The following SH3KBP1 variants were observed in gnomAD, a reference collection of about 807,000 sequenced individuals.
The protein encoded by SH3KBP1 is SH3 domain-containing kinase-binding protein 1.
A neutral mutation model predicts 50.1 loss-of-function variants in SH3KBP1; 8 were observed. That is an observed-to-expected ratio of 0.16 (90% CI 0.09 to 0.29). The LOEUF (loss-of-function observed/expected upper bound fraction) is 0.29, where lower values mean the gene tolerates loss of function less well. Ranked by LOEUF, SH3KBP1 falls within the 10% of genes least tolerant of loss-of-function variation. The probability of loss-of-function intolerance (pLI) is 1.00; values close to 1 mark genes in which losing one functional copy is unlikely to be tolerated. For synonymous variants in SH3KBP1, 227 were observed against 218.6 expected (o/e 1.04, Z -0.34); for missense variants, 377 against 535.2 (o/e 0.70, Z 2.92).
In SH3KBP1 at chrX:19,764,986, CTTTT is replaced by C. The variant is rs34368819; in HGVS notation, c.163-18549_163-18546del. On this transcript the variant is annotated intron_variant, in intron 2 of 17. Transcript: ENST00000397821. The stretch of plus-strand genomic sequence containing the variant: ...CCATGCCCAGCTAATTTTTGCAGTT[CTTTT>C]TTTTTTTTTTTTTTTTTTTTTTTTA... 1.5e-3 allele frequency among the ~76,000 whole-genome samples: 65 copies of C among 44,545 alleles called. 1 individual carries two copies. The highest frequency in any genetic ancestry group is 6.0e-3 in the African/African-American group (63 of 10,495). 38.7% of individuals were successfully genotyped at this position (44,545 alleles called of 115,157 possible). A position where few individuals can be genotyped will look rare whatever the true frequency, so the allele number is the denominator to read the frequency against.
intron 4 of SH3KBP1, among the ~76,000 whole-genome samples, chrX:19,698,975 C>A (rs2063484704): frequency 8.9e-6 from 1 of 111,977 alleles, no homozygotes; most frequent in South Asian, 3.7e-4. Flanking sequence ...TGATTTCCCC[C>A]ACAGAAAAAG....
chrX:19,802,462 CAT>C (rs889893033), intron 2 of SH3KBP1, among the ~76,000 whole-genome samples: 1 of 111,477 alleles, frequency 9.0e-6, no homozygotes, highest in Non-Finnish European at 1.9e-5. Flanking sequence ...CCTCCATCCA[CAT>C]GTGACGGTGC....
intron 5 of SH3KBP1, among the ~76,000 whole-genome samples, chrX:19,689,356 GC>G (rs1441688134): frequency 3.6e-5 from 4 of 111,966 alleles, no homozygotes; most frequent in African/African-American, 1.3e-4. Flanking sequence ...GTTAACAACA[GC>G]AGTCCTCTCA....
At chrX:19,571,469 A>G (rs2066005468) in intron 12 of SH3KBP1, among the ~76,000 whole-genome samples, 1 of 112,283 alleles carries the variant, frequency 8.9e-6, no homozygotes, top group Non-Finnish European at 1.9e-5. Flanking sequence ...GATGGAGGAC[A>G]TTTATTTCAA....
At chrX:19,741,372 G>A (rs554216131) in intron 3 of SH3KBP1, among the ~76,000 whole-genome samples, 1 of 112,268 alleles carries the variant, frequency 8.9e-6, no homozygotes, top group East Asian at 2.8e-4. Context: ...ATCTCTGGAA[G>A]GGGCAGTAAA....
At chrX:19,730,429 T>C (rs5955839) in intron 3 of SH3KBP1, among the ~76,000 whole-genome samples, 30,413 of 111,043 alleles carry the variant, frequency 0.27, 4,598 homozygotes, top group African/African-American at 0.58. Flanking sequence ...GCAAACTATC[T>C]GGGAATTTTT....
intron 2 of SH3KBP1, among the ~76,000 whole-genome samples, chrX:19,760,136 C>T (rs1341024749): frequency 2.9e-5 from 3 of 104,542 alleles, no homozygotes; most frequent in Non-Finnish European, 5.9e-5. Context: ...ATCTGTAATC[C>T]CAGCACTTTG....
intron 2 of SH3KBP1, among the ~76,000 whole-genome samples, chrX:19,829,430 T>C (rs1022652020): frequency 1.0e-4 from 11 of 110,524 alleles, no homozygotes; most frequent in Non-Finnish European, 1.9e-4. Context: ...TTTTTTTTTT[T>C]TCTTTAATGA....
At chrX:19,824,481 A>C (rs7889157) in intron 2 of SH3KBP1, among the ~76,000 whole-genome samples, 34,829 of 110,092 alleles carry the variant, frequency 0.32, 7,496 homozygotes, top group African/African-American at 0.78. Context: ...CTGCCCCCAA[A>C]ACAAAATTCT....
At position 19,668,963 on chromosome X, in the gene SH3KBP1, TATATA is replaced by T. The variant is rs1432730737; in HGVS notation, c.726+14855_726+14859del. On this transcript the variant is annotated intron_variant, in intron 6 of 17. Coordinates refer to ENST00000397821, the MANE Select transcript of SH3KBP1 (RefSeq NM_031892.3). ...ATATATATATATATATATATATATA[TATATA>T]TATATATTTTTTGAGACAGGCTGTC... is the stretch of plus-strand genomic sequence containing the variant. 6.4e-3 allele frequency among the ~76,000 whole-genome samples: 347 copies of T among 53,824 alleles called. 9 individuals carry two copies. Among genetic ancestry groups the T allele is most frequent in the African/African-American group, 0.032 (336 of 10,359 alleles). The allele number at this position is 53,824 out of a possible 115,157, so 46.7% of individuals were successfully genotyped here.
chrX:19,551,874 AC>A (rs199922396), intron 13 of SH3KBP1, among the ~76,000 whole-genome samples: 1,540 of 109,738 alleles, frequency 0.014, 26 homozygotes, highest in African/African-American at 0.049. Context: ...TGACATGAAC[AC>A]CCCCCCAATT....
At chrX:19,873,076 C>T (rs997806235) in intron 1 of SH3KBP1, among the ~76,000 whole-genome samples, 1 of 108,553 alleles carries the variant, frequency 9.2e-6, no homozygotes, top group African/African-American at 3.4e-5. Context: ...ACACTGCCTA[C>T]AGTGTGATTT....
intron 12 of SH3KBP1, among the ~76,000 whole-genome samples, chrX:19,572,400 A>T (rs890374817): frequency 6.7e-5 from 6 of 89,395 alleles, no homozygotes; most frequent in African/African-American, 3.1e-4. Flanking sequence ...TACATATGTT[A>T]TATATAGTAC....
At chrX:19,551,676 C>T (rs2065246885) in intron 13 of SH3KBP1, among the ~76,000 whole-genome samples, 1 of 108,104 alleles carries the variant, frequency 9.3e-6, no homozygotes, top group African/African-American at 3.4e-5. Flanking sequence ...TCCCTACAGG[C>T]ACGCAACACC....
intron 9 of SH3KBP1, among the ~76,000 whole-genome samples, chrX:19,598,544 T>C (rs2066981483): frequency 8.9e-6 from 1 of 112,063 alleles, no homozygotes; most frequent in African/African-American, 3.2e-5. Context: ...ACATGCCTTC[T>C]TCACTAAGCT....
chrX:19,709,624 T>C (rs1425758835), intron 3 of SH3KBP1, among the ~76,000 whole-genome samples: 1 of 111,875 alleles, frequency 8.9e-6, no homozygotes, highest in African/African-American at 3.3e-5. Flanking sequence ...CCTGCAACAC[T>C]GTACCACGTC....
chrX:19,773,088 T>C (rs1455911023), intron 2 of SH3KBP1, among the ~76,000 whole-genome samples: 10 of 110,550 alleles, frequency 9.0e-5, no homozygotes, highest in African/African-American at 3.0e-4. Context: ...GAGACTCACA[T>C]AGAGAATACA....
intron 10 of SH3KBP1, among the ~76,000 whole-genome samples, chrX:19,594,209 A>G (rs181645150): frequency 8.9e-6 from 1 of 112,384 alleles, no homozygotes; most frequent in African/African-American, 3.2e-5. Flanking sequence ...TACTTAACTA[A>G]TAACTCATGG....
chrX:19,838,514 T>C (rs368400500), intron 1 of SH3KBP1, among the ~76,000 whole-genome samples: 2 of 112,092 alleles, frequency 1.8e-5, no homozygotes, highest in African/African-American at 6.5e-5. Flanking sequence ...GAAATCACCC[T>C]CACAAAGTGG....
Sources: gnomAD v4.1 joint callset for allele counts (sites outside exome capture counted in the v4.1 genomes callset) on GRCh38, gnomAD v4.1.1 for gene constraint, MANE v1.5 for transcripts, NCBI Gene and HGNC (gene_info 2026-07-23, HGNC 2026-07-21) for gene names.